CHDH: variants seen among roughly 807,000 people sequenced by gnomAD.
The protein encoded by CHDH is choline dehydrogenase, mitochondrial.
Under a neutral mutation model 56.9 loss-of-function variants are expected in CHDH, and 43 were observed. The observed-to-expected ratio is 0.76, with a 90% CI of 0.59 to 0.97. The LOEUF is 0.97. Ranked by LOEUF, CHDH falls within the 50% of genes least tolerant of loss-of-function variation. CHDH has a pLI of 0.00. For missense variants in CHDH, 816 were observed against 821.1 expected, an observed-to-expected ratio of 0.99 and a Z score of 0.08; for synonymous variants, 364 against 348.5, an observed-to-expected ratio of 1.04 and a Z score of -0.50.
intron 8 of CHDH, 61 bp from the exon 9 acceptor site, chr3:53,818,256 G>A: frequency 7.0e-7 from 1 of 1,434,894 alleles, no homozygotes. Flanking sequence ...CTCACTGGAA[G>A]ATTCACGGCA....
chr3:53,844,300 C>G (rs1352183301), intron 1 of CHDH, among the ~76,000 whole-genome samples: 1 of 152,208 alleles, frequency 6.6e-6, no homozygotes, highest in African/African-American at 2.4e-5. Flanking sequence ...ACTTCTTCCC[C>G]TGGGGGGAGA....
chr3:53,819,904 T>C lies in CHDH; in HGVS notation c.1121-230A>G, dbSNP rs1307267868. ...GCCAAAAGGATGGCATCAGCTCTGC[T>C]CTCTACCAGGGCCAATTCTGCCACT... On this transcript the variant is annotated intron_variant, in intron 6 of 8. Transcript: ENST00000315251. The surrounding 1 kb of genome is among the most constrained non-coding windows in gnomAD (Gnocchi z 5.4). Among the ~76,000 whole-genome samples the C allele has an allele frequency of 6.6e-6, 1 of 152,218 alleles. No individual in the cohort carries two copies. Among genetic ancestry groups the C allele is most frequent in the Non-Finnish European group, 1.5e-5 (1 of 68,040 alleles).
intron 2 of CHDH, among the ~76,000 whole-genome samples, chr3:53,840,342 C>A (rs1698631859): frequency 6.6e-6 from 1 of 151,908 alleles, no homozygotes; most frequent in South Asian, 2.1e-4. Context: ...GCTTGGGAAA[C>A]ATTGTGAAAC....
Position 53,823,458 on chromosome 3 carries a change from T to C in CHDH, c.551A>G (p.Asp184Gly). The part of the protein sequence containing the change: ...ELGASRYRGA[D>G]GPLRVSRGKT... ...GCCCCGGGACACCCGCAGCGGGCCATCGGCGCCCCGGTACCGGCTGGCGCC... is the reference window on the plus strand; with the variant it reads ...GCCCCGGGACACCCGCAGCGGGCCACCGGCGCCCCGGTACCGGCTGGCGCC... Residue 184 changes from aspartate to glycine, a missense_variant, in exon 3 of 9, where the codon GAT (aspartate) becomes GGT (glycine). Transcript: ENST00000315251. 6.4e-7 allele frequency: 1 copy of C among 1,558,880 alleles called. No homozygotes were observed. Among genetic ancestry groups the C allele is most frequent in the Middle Eastern group, 1.7e-4 (1 of 5,860 alleles).
Position 53,823,633 on chromosome 3 carries a change from G to C in CHDH, c.376C>G (p.Arg126Gly). 1.3e-6 allele frequency: 2 copies of C among 1,543,940 alleles called. No homozygotes were observed. The highest frequency in any genetic ancestry group is 1.7e-6 in the Non-Finnish European group (2 of 1,146,202). ...AGGGATGAGGAGCCACCCCAGACGC[G>C]GCCGCGTGGCCAGTACAGCACGCGG... Reference protein sequence around the residue: ...DGRVLYWPRGRVWGGSSSLNA... With the variant: ...DGRVLYWPRGGVWGGSSSLNA... Residue 126 changes from arginine to glycine, a missense_variant, in exon 3 of 9, where the codon CGC becomes GGC. Arg to Gly is a moderately radical substitution (Grantham distance 125). Coordinates refer to ENST00000315251, the MANE Select transcript of CHDH (RefSeq NM_018397.5).
At chr3:53,835,937 A>G (rs926447261) in intron 2 of CHDH, among the ~76,000 whole-genome samples, 13 of 152,180 alleles carry the variant, frequency 8.5e-5, no homozygotes, top group African/African-American at 3.1e-4. Context: ...CCACAGGCCC[A>G]GCCAACAAAG....
rs1010179137 is a variant in CHDH at position 53,815,143 on chromosome 3, A to C, written c.*2634T>G. 2 of 152,232 alleles carry C rather than the reference A, an allele frequency of 1.3e-5. No homozygotes were observed. Among genetic ancestry groups the C allele is most frequent in the South Asian group, 2.1e-4 (1 of 4,826 alleles). 9.4% of individuals were successfully genotyped at this position (152,232 alleles called of 1,614,324 possible). On this transcript the variant is annotated 3_prime_UTR_variant, in exon 9 of 9. Coordinates refer to ENST00000315251, the MANE Select transcript of CHDH (RefSeq NM_018397.5). ...CCTATTCCATCAGGAGCTGCCTTCT[A>C]CTAGTGCAGCGGCTTCAACACAGGC...
At position 53,815,716 on chromosome 3, in the gene CHDH, C is replaced by G. The variant is rs2095614552; in HGVS notation, c.*2061G>C. Reference sequence around the variant, plus strand: ...TAGAACTAAGTGACTGTCACCCTGCCATATCCATACCTGTTCCAGAGAAGA... The same window carrying G: ...TAGAACTAAGTGACTGTCACCCTGCGATATCCATACCTGTTCCAGAGAAGA... On this transcript the variant is annotated 3_prime_UTR_variant, in exon 9 of 9. Transcript: ENST00000315251. 2 of 152,266 alleles carry G rather than the reference C, an allele frequency of 1.3e-5. No homozygotes were observed. Among genetic ancestry groups the G allele is most frequent in the Admixed American group, 6.5e-5 (1 of 15,282 alleles). 9.4% of individuals were successfully genotyped at this position (152,266 alleles called of 1,614,324 possible).
rs1208648164 is a variant in CHDH at position 53,823,438 on chromosome 3, G to A, written c.571C>T (p.Arg191Trp). ...RGADGPLRVSRGKTNHPLHCA... is the reference protein window; with the variant it reads ...RGADGPLRVSWGKTNHPLHCA... The stretch of plus-strand genomic sequence containing the variant: ...TGCAGCGGGTGGTTGGTCTTGCCCC[G>A]GGACACCCGCAGCGGGCCATCGGCG... The change falls in exon 3 of 9, where the codon CGG becomes TGG. Residue 191 changes from arginine (R) to tryptophan (W), a missense_variant. Transcript: ENST00000315251. The A allele has an allele frequency of 1.3e-6, 2 of 1,575,764 alleles. No homozygotes were observed. Among genetic ancestry groups the A allele is most frequent in the Non-Finnish European group, 1.7e-6 (2 of 1,160,972 alleles).
chr3:53,836,031 A>G (rs899080908), intron 2 of CHDH, among the ~76,000 whole-genome samples: 3 of 152,234 alleles, frequency 2.0e-5, no homozygotes, highest in African/African-American at 7.2e-5. Context: ...TCTCAAGCCA[A>G]GAAGGCTTGG....
At chr3:53,836,070 C>T (rs1188481487) in intron 2 of CHDH, among the ~76,000 whole-genome samples, 2 of 152,192 alleles carry the variant, frequency 1.3e-5, no homozygotes, top group Non-Finnish European at 2.9e-5. Context: ...GCAGAGCCTC[C>T]CAGGAGCACA....
In CHDH at chr3:53,823,220, G is replaced by A. The variant is rs1352967184; in HGVS notation, c.703+86C>T. On this transcript the variant is annotated intron_variant, in intron 3 of 8. Transcript: ENST00000315251. Reference sequence around the variant, plus strand: ...GCCCATGCCTCCTGACCATGCTGGAGCCAGGAGCCTGGAGCCACGGGCCAA... The same window carrying A: ...GCCCATGCCTCCTGACCATGCTGGAACCAGGAGCCTGGAGCCACGGGCCAA... 1.0e-5 allele frequency: 13 copies of A among 1,270,838 alleles called. No individual in the cohort carries two copies. The South Asian group carries it at 1.1e-4, about 11-fold the overall frequency. The allele number at this position is 1,270,838 out of a possible 1,614,324, so 78.7% of individuals were successfully genotyped here. A position where few individuals can be genotyped will look rare whatever the true frequency, so the allele number is the denominator to read the frequency against.
At position 53,828,516 on chromosome 3, in the gene CHDH, C is replaced by T. The variant is rs1200695247; in HGVS notation, c.-59-4449G>A. On this transcript the variant is annotated intron_variant, in intron 2 of 8. Transcript: ENST00000315251. ...AAAAGATACACCTTATAAAGGACTA[C>T]TATGTAAATACACAAATAAATATAT... is the stretch of plus-strand genomic sequence containing the variant. Among the ~76,000 whole-genome samples the T allele has an allele frequency of 2.0e-5, 3 of 152,310 alleles. No individual in the cohort carries two copies. In the East Asian group the frequency reaches 5.8e-4, roughly 29 times the overall value.
At chr3:53,841,564 G>C (rs1431981643) in intron 1 of CHDH, among the ~76,000 whole-genome samples, 2 of 152,206 alleles carry the variant, frequency 1.3e-5, no homozygotes, top group Non-Finnish European at 2.9e-5. Flanking sequence ...AGGTTAGCCA[G>C]CCAATTTTCA....
At position 53,815,120 on chromosome 3, in the gene CHDH, TATTCC is replaced by T. The variant is rs1402132901; in HGVS notation, c.*2652_*2656del. The T allele has an allele frequency of 6.6e-6, 1 of 152,260 alleles. No homozygotes were observed. The highest frequency in any genetic ancestry group is 6.5e-5 in the Admixed American group (1 of 15,284). 9.4% of individuals were successfully genotyped at this position (152,260 alleles called of 1,614,324 possible). A position where few individuals can be genotyped will look rare whatever the true frequency, so the allele number is the denominator to read the frequency against. On this transcript the variant is annotated 3_prime_UTR_variant, in exon 9 of 9. Transcript: ENST00000315251. ...TCCCACACAGCCCACCCCTATCCCC[TATTCC>T]ATCAGGAGCTGCCTTCTACTAGTGC...
At chr3:53,829,701 A>T (rs1319308984) in intron 2 of CHDH, among the ~76,000 whole-genome samples, 1 of 152,214 alleles carries the variant, frequency 6.6e-6, no homozygotes, top group Non-Finnish European at 1.5e-5. Context: ...TGCCTGGAGT[A>T]TCAACAGGGA....
chr3:53,818,883 C>T, intron 8 of CHDH, 55 bp downstream of exon 8: 1 of 1,083,462 alleles, frequency 9.2e-7, no homozygotes, highest in South Asian at 1.2e-5. Context: ...TAAACAGGAA[C>T]CCCACAAAGG....
At position 53,823,591 on chromosome 3, in the gene CHDH, CGT is replaced by C; in HGVS notation, c.416_417del (p.Tyr139CysfsTer95). ...GGSSSLNAMV[Y>X]VRGHAEDYER... The stretch of plus-strand genomic sequence containing the variant: ...TCGTAGTCCTCGGCGTGCCCACGGA[CGT>C]AGACCATGGCATTGAGGGATGAGGA... On this transcript the variant is annotated frameshift_variant, in exon 3 of 9. Coordinates refer to ENST00000315251, the MANE Select transcript of CHDH (RefSeq NM_018397.5). LOFTEE classifies it high-confidence loss of function. 6.5e-7 allele frequency: 1 copy of C among 1,543,876 alleles called. No individual in the cohort carries two copies. Among genetic ancestry groups the C allele is most frequent in the Non-Finnish European group, 8.7e-7 (1 of 1,146,352 alleles).
At chr3:53,825,921 C>G (rs2095638232) in intron 2 of CHDH, among the ~76,000 whole-genome samples, 1 of 151,668 alleles carries the variant, frequency 6.6e-6, no homozygotes, top group South Asian at 2.1e-4. Context: ...GGAGTGACAA[C>G]TTTAAATATT....
Sources: gnomAD v4.1 joint callset for allele counts (sites outside exome capture counted in the v4.1 genomes callset) on GRCh38, gnomAD v4.1.1 for gene constraint, Gnocchi (gnomAD v3.1) non-coding constraint, MANE v1.5 for transcripts, NCBI Gene and HGNC (gene_info 2026-07-23, HGNC 2026-07-21) for gene names.